The following NRXN2 variants were observed in gnomAD, a reference collection of about 807,000 sequenced individuals.
NRXN2 encodes the protein neurexin 2.
Under a neutral mutation model 128.8 loss-of-function variants are expected in NRXN2, and 29 were observed. The ratio of observed to expected loss-of-function variants is 0.23; its 90% CI spans 0.17 to 0.31. The LOEUF (loss-of-function observed/expected upper bound fraction) is 0.31. Among genes scored for constraint, NRXN2 ranks in the 10% least tolerant of loss-of-function variants. NRXN2 has a pLI of 1.00. For missense variants in NRXN2, 1,881 were observed against 2,452.6 expected (o/e 0.77, Z 4.92); for synonymous variants, 1,098 against 1,075.2 (o/e 1.02, Z -0.41).
At chr11:64,679,014 T>C (rs1202756282) in intron 6 of NRXN2, among the ~76,000 whole-genome samples, 2 of 152,224 alleles carry the variant, frequency 1.3e-5, no homozygotes, top group East Asian at 1.9e-4. Context: ...AAGAGTCTAA[T>C]TGCAGGTGCA....
At chr11:64,687,982 T>C (rs992818674) in intron 5 of NRXN2, among the ~76,000 whole-genome samples, 1 of 152,160 alleles carries the variant, frequency 6.6e-6, no homozygotes, top group Non-Finnish European at 1.5e-5. Context: ...TTTTGCCACA[T>C]GTACTAGTCC....
intron 17 of NRXN2, among the ~76,000 whole-genome samples, chr11:64,646,016 C>T (rs1267334619): frequency 6.6e-6 from 1 of 152,126 alleles, no homozygotes; most frequent in Non-Finnish European, 1.5e-5. Flanking sequence ...CATGAAAAAC[C>T]AGAGACAAGC....
chr11:64,712,693 C>A lies in NRXN2; in HGVS notation c.730+277G>T, dbSNP rs577189311. The A allele has an allele frequency of 3.2e-5, 20 of 622,044 alleles. No individual in the cohort carries two copies. The East Asian group carries it at 6.7e-4, about 21-fold the overall frequency. The allele number at this position is 622,044 out of a possible 1,614,324, so 38.5% of individuals were successfully genotyped here. ...TTCATGCACCCCACCCTCAGCAGCC[C>A]CTTCAGAACCTGACCACACAGGCTG... On this transcript the variant is annotated intron_variant, in intron 2 of 22. Transcript: ENST00000265459.
chr11:64,639,740 G>A (rs2045375554), intron 17 of NRXN2, among the ~76,000 whole-genome samples: 1 of 152,086 alleles, frequency 6.6e-6, no homozygotes, highest in African/African-American at 2.4e-5. Context: ...AGAGAGGAGA[G>A]AAGGCAAGTA....
At chr11:64,642,155 G>A (rs1326389298) in intron 17 of NRXN2, among the ~76,000 whole-genome samples, 1 of 151,892 alleles carries the variant, frequency 6.6e-6, no homozygotes, top group Non-Finnish European at 1.5e-5. Flanking sequence ...ATGATAAGGG[G>A]CCGAGATGGA....
Position 64,685,673 on chromosome 11 carries a change from G to T in NRXN2, c.1125C>A (p.Asp375Glu). 6.2e-7 allele frequency: 1 copy of T among 1,614,174 alleles called. No homozygotes were observed. Among genetic ancestry groups the T allele is most frequent in the Non-Finnish European group, 8.5e-7 (1 of 1,180,052 alleles). ...NGKFNDNAWHDVRVTRNLRQH... is the reference protein window; with the variant it reads ...NGKFNDNAWHEVRVTRNLRQH... ...GGCGCAGGTTTCGGGTGACCCGGAC[G>T]TCGTGCCAGGCGTTGTCGTTGAACT... The change falls in exon 6 of 23, where the codon GAC becomes GAA. Residue 375 changes from aspartate to glutamate, a missense_variant. By Grantham distance (45) the Asp-to-Glu change is conservative. This residue lies in a region of NRXN2 where 997 missense variants were observed against 1,240.8 expected (regional missense o/e 0.80). Transcript: ENST00000265459.
At chr11:64,649,361 C>T (rs977916229) in intron 15 of NRXN2, among the ~76,000 whole-genome samples, 1 of 152,174 alleles carries the variant, frequency 6.6e-6, no homozygotes, top group Non-Finnish European at 1.5e-5. Context: ...GCTCCCTTCC[C>T]CCAACAACTA....
At chr11:64,670,131 G>A (rs977023041) in intron 7 of NRXN2, among the ~76,000 whole-genome samples, 13 of 152,094 alleles carry the variant, frequency 8.5e-5, no homozygotes, top group Non-Finnish European at 1.5e-4. Flanking sequence ...CTGGAGCCTC[G>A]CAGTGAATAG....
At position 64,693,695 on chromosome 11, in the gene NRXN2, C is replaced by T. The variant is rs2054141988; in HGVS notation, c.749-819G>A. On this transcript the variant is annotated intron_variant, in intron 3 of 22. Transcript: ENST00000265459. ...TGGGTTCTAAGAGGAAACTGGGGTT[C>T]AAGAGGACAAAATTAGAGAGGAAGC... 2.0e-5 allele frequency among the ~76,000 whole-genome samples: 3 copies of T among 152,034 alleles called. No individual in the cohort carries two copies. The South Asian group carries it at 6.2e-4, about 31-fold the overall frequency.
chr11:64,621,081 G>A (rs938631043), intron 21 of NRXN2, among the ~76,000 whole-genome samples: 1 of 152,096 alleles, frequency 6.6e-6, no homozygotes, highest in African/African-American at 2.4e-5. Flanking sequence ...GGAAGGTGAG[G>A]AGAGAGCTAG....
chr11:64,669,121 A>G (rs541305), intron 7 of NRXN2, among the ~76,000 whole-genome samples: 9,512 of 152,264 alleles, frequency 0.062, 1,010 homozygotes, highest in African/African-American at 0.22. Context: ...TGGGTGCTGG[A>G]AAGTCTTTCA....
intron 17 of NRXN2, chr11:64,642,523 C>A: frequency 6.2e-7 from 1 of 1,605,174 alleles, no homozygotes; most frequent in South Asian, 1.1e-5. Flanking sequence ...TGGCCGGCAT[C>A]TACAGTGCCA....
Position 64,607,908 on chromosome 11 carries a change from G to A in NRXN2, c.4427C>T (p.Pro1476Leu), listed in dbSNP as rs1360873552. Reference protein sequence around the residue: ...PAARRPPSGGPCQAERDDSDC... With the variant: ...PAARRPPSGGLCQAERDDSDC... ...GCTGTCGTCCCGCTCGGCCTGGCAC[G>A]GGCCCCCAGAGGGCGGGCGGCGCGC... The change falls in exon 23 of 23, where the codon CCG (proline) becomes CTG (leucine). Residue 1476 changes from proline (P) to leucine (L), a missense_variant. By Grantham distance (98) the Pro-to-Leu change is moderately conservative (BLOSUM62 -3). This residue lies in a region of NRXN2 where 310 missense variants were observed against 318.2 expected (regional missense o/e 0.97). Coordinates refer to ENST00000265459, the MANE Select transcript of NRXN2 (RefSeq NM_015080.4). The A allele has an allele frequency of 1.3e-6, 2 of 1,565,234 alleles. No homozygotes were observed. The highest frequency in any genetic ancestry group is 1.7e-6 in the Non-Finnish European group (2 of 1,156,006).
intron 1 of NRXN2, among the ~76,000 whole-genome samples, chr11:64,715,350 G>A (rs141762711): frequency 6.5e-4 from 99 of 152,280 alleles, no homozygotes; most frequent in African/African-American, 2.2e-3. Context: ...ATCCAAGTCT[G>A]CTCGACTGCA....
chr11:64,664,752 G>C (rs1006886423), intron 9 of NRXN2, among the ~76,000 whole-genome samples: 1 of 152,144 alleles, frequency 6.6e-6, no homozygotes, highest in Admixed American at 6.5e-5. Flanking sequence ...ATCACTTTGG[G>C]AGGCCGAGGC....
rs1191987645 is a variant in NRXN2 at position 64,663,375 on chromosome 11, CA to C, written c.1799-2237del. ...GGGCGACAAGAGCAAAACTCTGACTCAAAAAAAAAAAAAAAACCTCACCTGA... is the reference window on the plus strand; with the variant it reads ...GGGCGACAAGAGCAAAACTCTGACTCAAAAAAAAAAAAAAACCTCACCTGA... On this transcript the variant is annotated intron_variant, in intron 9 of 22. Coordinates refer to ENST00000265459, the MANE Select transcript of NRXN2 (RefSeq NM_015080.4). Among the ~76,000 whole-genome samples the C allele has an allele frequency of 7.8e-3, 822 of 105,350 alleles. 1 individual carries two copies. Among genetic ancestry groups the C allele is most frequent in the African/African-American group, 0.012 (351 of 28,332 alleles). 69.1% of individuals were successfully genotyped at this position (105,350 alleles called of 152,430 possible). A position where few individuals can be genotyped will look rare whatever the true frequency, so the allele number is the denominator to read the frequency against.
At position 64,661,036 on chromosome 11, in the gene NRXN2, C is replaced by T; in HGVS notation, c.1902G>A (p.Gly634=). ...GGGGCAGGGGCAGGTCCACCCGGCC[C>T]CCCTCAGGGAGACCGCCCAGGTACA... The part of the protein sequence containing the change: ...SELYLGGLPE[G]GRVDLPLPPE... The change falls in exon 10 of 23, where the codon GGG becomes GGA. Residue 634 remains glycine, a synonymous_variant. Transcript: ENST00000265459. 6.2e-7 allele frequency: 1 copy of T among 1,613,510 alleles called. No homozygotes were observed. The highest frequency in any genetic ancestry group is 8.5e-7 in the Non-Finnish European group (1 of 1,180,002).
chr11:64,687,901 C>T (rs1006118322), intron 5 of NRXN2, among the ~76,000 whole-genome samples: 1 of 152,142 alleles, frequency 6.6e-6, no homozygotes, highest in Admixed American at 6.5e-5. Flanking sequence ...TCCATAGCAA[C>T]GAAGCCTGCT....
chr11:64,684,289 T>C (rs2052705198), intron 6 of NRXN2, among the ~76,000 whole-genome samples: 1 of 152,042 alleles, frequency 6.6e-6, no homozygotes, highest in Non-Finnish European at 1.5e-5. Context: ...TCTGAAACTG[T>C]CACAAATGCA....
Sources: allele counts gnomAD v4.1 joint callset (sites outside exome capture counted in the v4.1 genomes callset), GRCh38; gene constraint gnomAD v4.1.1; regional missense constraint gnomAD v4.1.1; transcripts MANE v1.5; gene names NCBI Gene and HGNC (gene_info 2026-07-23, HGNC 2026-07-21).